Variants in GPC6 observed in about 807,000 individuals in gnomAD.
GPC6 encodes the protein glypican 6.
A neutral mutation model predicts 55.2 loss-of-function variants in GPC6; 14 were observed. That is an observed-to-expected ratio of 0.25 (90% CI 0.17 to 0.40). The LOEUF (loss-of-function observed/expected upper bound fraction) is 0.40. Among genes scored for constraint, GPC6 ranks in the 10% least tolerant of loss-of-function variants. The pLI, the probability that GPC6 is intolerant of heterozygous loss-of-function variation, is 1.00. For missense variants in GPC6, 641 were observed against 708.5 expected (o/e 0.90, Z 1.08); for synonymous variants, 278 against 259.6 (o/e 1.07, Z -0.68).
intron 4 of GPC6, among the ~76,000 whole-genome samples, chr13:94,092,000 T>TTA (rs1007435222): frequency 1.3e-5 from 2 of 150,804 alleles, no homozygotes; most frequent in African/African-American, 4.9e-5. Context: ...TTGAAAAAAA[T>TTA]TATATATATT....
rs1879203081 is a variant in GPC6 at position 93,626,440 on chromosome 13, C to T, written c.319+81019C>T. ...TGTTATGAGCCACACCCCATCTATT[C>T]CTTGAGATGTTACAATTTTTCTGCC... On this transcript the variant is annotated intron_variant, in intron 2 of 8. Transcript: ENST00000377047. Among the ~76,000 whole-genome samples, 3 of 152,106 alleles carry T rather than the reference C, an allele frequency of 2.0e-5. No individual in the cohort carries two copies. In the South Asian group the frequency reaches 6.2e-4, roughly 32 times the overall value.
At chr13:93,591,485 A>AG (rs1389879775) in intron 2 of GPC6, among the ~76,000 whole-genome samples, 59 of 142,386 alleles carry the variant, frequency 4.1e-4, no homozygotes, top group Non-Finnish European at 8.9e-4. Context: ...AAAAAAAAAA[A>AG]GGAAATCATC....
chr13:94,030,004 C>CTTTT (rs55808503), intron 4 of GPC6, among the ~76,000 whole-genome samples: 1 of 139,510 alleles, frequency 7.2e-6, no homozygotes, highest in African/African-American at 2.6e-5. Context: ...TTCTTCCCGT[C>CTTTT]TTTTTTTTTT....
chr13:93,509,899 T>G (rs1289107682), intron 1 of GPC6, among the ~76,000 whole-genome samples: 1 of 152,222 alleles, frequency 6.6e-6, no homozygotes, highest in African/African-American at 2.4e-5. Flanking sequence ...GGTTTCTGAT[T>G]CTTAGGCGCC....
chr13:94,119,085 G>A (rs1207934741), intron 4 of GPC6, among the ~76,000 whole-genome samples: 4 of 151,756 alleles, frequency 2.6e-5, no homozygotes, highest in South Asian at 2.1e-4. Flanking sequence ...ATATGTGTGT[G>A]CATATATGTA....
At chr13:94,051,606 A>G (rs1302792014) in intron 4 of GPC6, among the ~76,000 whole-genome samples, 1 of 152,202 alleles carries the variant, frequency 6.6e-6, no homozygotes, top group Non-Finnish European at 1.5e-5. Context: ...TAGCATATAT[A>G]ATGGAAAGTG....
At chr13:93,272,490 G>GTGTA (rs1446126346) in intron 1 of GPC6, among the ~76,000 whole-genome samples, 1 of 95,436 alleles carries the variant, frequency 1.0e-5, no homozygotes, top group Non-Finnish European at 2.1e-5. Flanking sequence ...CATTGTCTGT[G>GTGTA]TGTATATATA....
intron 1 of GPC6, among the ~76,000 whole-genome samples, chr13:93,468,810 A>G (rs1046296045): frequency 4.6e-5 from 7 of 152,248 alleles, no homozygotes; most frequent in Admixed American, 1.3e-4. Flanking sequence ...TAGGTTAAAC[A>G]AAAATAAAAG....
At chr13:93,469,856 C>A (rs530064762) in intron 1 of GPC6, among the ~76,000 whole-genome samples, 1 of 152,124 alleles carries the variant, frequency 6.6e-6, no homozygotes, top group South Asian at 2.1e-4. Flanking sequence ...GGTATGAACA[C>A]CATTTACTGA....
At chr13:93,582,242 T>C (rs1353204378) in intron 2 of GPC6, among the ~76,000 whole-genome samples, 1 of 152,294 alleles carries the variant, frequency 6.6e-6, no homozygotes, top group African/African-American at 2.4e-5. Context: ...TGATGCCATG[T>C]TTGGTTAGGT....
intron 2 of GPC6, among the ~76,000 whole-genome samples, chr13:93,798,533 A>T (rs1886271181): frequency 6.6e-6 from 1 of 152,202 alleles, no homozygotes; most frequent in African/African-American, 2.4e-5. Context: ...ATGAAGGGTT[A>T]TGTGAATTCT....
intron 1 of GPC6, among the ~76,000 whole-genome samples, chr13:93,498,903 T>C (rs569682347): frequency 3.9e-5 from 6 of 152,314 alleles, no homozygotes; most frequent in Non-Finnish European, 8.8e-5. Context: ...CTCCCATGAA[T>C]TGGATTATTT....
At chr13:93,429,622 C>A (rs1194161067) in intron 1 of GPC6, among the ~76,000 whole-genome samples, 2 of 152,006 alleles carry the variant, frequency 1.3e-5, no homozygotes, top group African/African-American at 4.8e-5. Flanking sequence ...GATAGTAGCC[C>A]CTAGGCATTC....
At chr13:94,166,926 A>G (rs776990525) in intron 4 of GPC6, among the ~76,000 whole-genome samples, 4 of 152,196 alleles carry the variant, frequency 2.6e-5, no homozygotes, top group Admixed American at 2.0e-4. Flanking sequence ...GGTAAAGTTG[A>G]TTTCTCAGCT....
At chr13:93,576,811 T>A (rs910892056) in intron 2 of GPC6, among the ~76,000 whole-genome samples, 5 of 152,152 alleles carry the variant, frequency 3.3e-5, no homozygotes, top group Non-Finnish European at 7.4e-5. Context: ...TGTAATGCAT[T>A]TATCATTGTA....
Position 93,355,601 on chromosome 13 carries a change from C to A in GPC6, c.160+127985C>A, listed in dbSNP as rs1880818347. ...AGGCAGACAAAGAATTCACCTTTAT[C>A]AAGGTGAAGTGTTTCTTAACTCCAG... On this transcript the variant is annotated intron_variant, in intron 1 of 8. Coordinates refer to ENST00000377047, the MANE Select transcript of GPC6 (RefSeq NM_005708.5). 1.3e-5 allele frequency among the ~76,000 whole-genome samples: 2 copies of A among 152,144 alleles called. 1 individual carries two copies. The highest frequency in any genetic ancestry group is 4.1e-4 in the South Asian group (2 of 4,830).
chr13:93,684,457 G>A (rs1377833937), intron 2 of GPC6, among the ~76,000 whole-genome samples: 5 of 151,970 alleles, frequency 3.3e-5, no homozygotes, highest in Non-Finnish European at 5.9e-5. Context: ...CAAATTGCTG[G>A]GATTACAGGT....
At chr13:93,958,578 C>A (rs1879619356) in intron 3 of GPC6, among the ~76,000 whole-genome samples, 1 of 152,044 alleles carries the variant, frequency 6.6e-6, no homozygotes, top group African/African-American at 2.4e-5. Flanking sequence ...CCAGTATCAG[C>A]TGTTTTGTTC....
intron 4 of GPC6, among the ~76,000 whole-genome samples, chr13:94,175,193 T>C (rs919641020): frequency 2.6e-5 from 4 of 152,178 alleles, no homozygotes; most frequent in Non-Finnish European, 5.9e-5. Flanking sequence ...TATTAGTCAT[T>C]GCCTCTATTG....
Sources: gnomAD v4.1 joint callset for allele counts (sites outside exome capture counted in the v4.1 genomes callset) on GRCh38, gnomAD v4.1.1 for gene constraint, MANE v1.5 for transcripts, NCBI Gene and HGNC (gene_info 2026-07-23, HGNC 2026-07-21) for gene names.